VTI1A: variants seen among roughly 807,000 people sequenced by gnomAD.
VTI1A encodes the protein vesicle transport through interaction with t-SNAREs homolog 1A.
Under a neutral mutation model 34.9 loss-of-function variants are expected in VTI1A, and 22 were observed. That is an observed-to-expected ratio of 0.63 (90% confidence interval 0.45 to 0.90). The LOEUF (loss-of-function observed/expected upper bound fraction) is 0.90, where lower values mean the gene tolerates loss of function less well. Ranked by LOEUF, VTI1A falls within the 40% of genes least tolerant of loss-of-function variation. The pLI is 0.00. For synonymous variants in VTI1A, 87 were observed against 97.3 expected, an observed-to-expected ratio of 0.89 and a Z score of 0.62; for missense variants, 268 against 275.6, an observed-to-expected ratio of 0.97 and a Z score of 0.20.
chr10:112,565,181 C>T (rs1851869371), intron 5 of VTI1A, among the ~76,000 whole-genome samples: 1 of 151,958 alleles, frequency 6.6e-6, no homozygotes, highest in Non-Finnish European at 1.5e-5. Flanking sequence ...GTTTAGTTGG[C>T]CTAATACAGT....
chr10:112,714,298 G>A (rs1319407095), intron 7 of VTI1A, among the ~76,000 whole-genome samples: 1 of 152,112 alleles, frequency 6.6e-6, no homozygotes, highest in Non-Finnish European at 1.5e-5. Context: ...TCTCAGATAA[G>A]CCCCTCATCA....
chr10:112,679,098 A>G (rs571714218), intron 7 of VTI1A, among the ~76,000 whole-genome samples: 2 of 152,328 alleles, frequency 1.3e-5, no homozygotes, highest in South Asian at 4.1e-4. Flanking sequence ...TTAGGGCAGG[A>G]AATGGCTCCT....
In VTI1A at chr10:112,752,474, A is replaced by G. The variant is rs60802385; in HGVS notation, c.561-62816A>G. ...ATAGCTTGGAGATTTCACCCACTGCATTTCTGTTGCTCAAACTTTTTGACC... is the reference window on the plus strand; with the variant it reads ...ATAGCTTGGAGATTTCACCCACTGCGTTTCTGTTGCTCAAACTTTTTGACC... On this transcript the variant is annotated intron_variant, in intron 7 of 7. Coordinates refer to ENST00000393077, the MANE Select transcript of VTI1A (RefSeq NM_145206.4). 8.3e-3 allele frequency: 8,131 copies of G among 985,392 alleles called. 488 individuals are homozygous for G. In the African/African-American group the frequency reaches 0.13, roughly 15 times the overall value. The allele number at this position is 985,392 out of a possible 1,614,324, so 61.0% of individuals were successfully genotyped here.
chr10:112,511,303 G>A (rs1303595301), intron 3 of VTI1A, among the ~76,000 whole-genome samples: 1 of 151,384 alleles, frequency 6.6e-6, no homozygotes, highest in Non-Finnish European at 1.5e-5. Context: ...GAGTGCAGTG[G>A]CATGATCTCG....
At chr10:112,697,701 C>A (rs1049976523) in intron 7 of VTI1A, among the ~76,000 whole-genome samples, 1 of 151,996 alleles carries the variant, frequency 6.6e-6, no homozygotes, top group Non-Finnish European at 1.5e-5. Flanking sequence ...CAGCCTTGTT[C>A]TTGGTATTTT....
At chr10:112,659,347 CATTTT>C (rs1847359531) in intron 5 of VTI1A, among the ~76,000 whole-genome samples, 1 of 152,168 alleles carries the variant, frequency 6.6e-6, no homozygotes, top group African/African-American at 2.4e-5. Context: ...GCTCAAGTCT[CATTTT>C]ATAGGATAGA....
At chr10:112,551,053 C>A (rs1041924324) in intron 5 of VTI1A, among the ~76,000 whole-genome samples, 1 of 152,002 alleles carries the variant, frequency 6.6e-6, no homozygotes, top group African/African-American at 2.4e-5. Flanking sequence ...ACCATCCTGG[C>A]GAACACTGTG....
At chr10:112,667,216 T>C (rs553363303) in intron 5 of VTI1A, among the ~76,000 whole-genome samples, 1 of 152,180 alleles carries the variant, frequency 6.6e-6, no homozygotes, top group African/African-American at 2.4e-5. Context: ...CAGAGATGAT[T>C]GTTGTTATAG....
intron 5 of VTI1A, among the ~76,000 whole-genome samples, chr10:112,597,907 C>T (rs1396249250): frequency 1.3e-5 from 2 of 151,006 alleles, no homozygotes; most frequent in African/African-American, 2.4e-5. Flanking sequence ...CCGCGTTAGC[C>T]AGGATGGTCT....
At chr10:112,662,641 A>G (rs1025952798) in intron 5 of VTI1A, among the ~76,000 whole-genome samples, 2 of 152,296 alleles carry the variant, frequency 1.3e-5, no homozygotes, top group Admixed American at 6.5e-5. Context: ...ATCTATTGGG[A>G]TACTCATATA....
chr10:112,559,490 C>T (rs145629246), intron 5 of VTI1A, among the ~76,000 whole-genome samples: 170 of 152,136 alleles, frequency 1.1e-3, no homozygotes, highest in African/African-American at 4.0e-3. Context: ...AAAACCTGGC[C>T]TTTTGTTCTT....
chr10:112,464,698 A>T (rs760560565), intron 3 of VTI1A, 41 bp downstream of exon 3: 8 of 1,560,954 alleles, frequency 5.1e-6, no homozygotes, highest in African/African-American at 4.1e-5. Flanking sequence ...ACTTTTTTTT[A>T]AAAATGTTTC....
intron 7 of VTI1A, among the ~76,000 whole-genome samples, chr10:112,812,181 C>T (rs966868104): frequency 6.6e-6 from 1 of 152,194 alleles, no homozygotes; most frequent in African/African-American, 2.4e-5. Context: ...GGCAATTTAG[C>T]CTGGCTGTTT....
intron 7 of VTI1A, among the ~76,000 whole-genome samples, chr10:112,727,587 G>A (rs1850083405): frequency 6.6e-6 from 1 of 152,268 alleles, no homozygotes; most frequent in South Asian, 2.1e-4. Context: ...CACTGTGGAA[G>A]TTGTGAGGCT....
chr10:112,718,252 T>A (rs1849677528), intron 7 of VTI1A, among the ~76,000 whole-genome samples: 1 of 152,170 alleles, frequency 6.6e-6, no homozygotes, highest in African/African-American at 2.4e-5. Context: ...CTCTATTTGC[T>A]CTGCACCTGG....
chr10:112,732,611 CT>C (rs1184329510), intron 7 of VTI1A, among the ~76,000 whole-genome samples: 1 of 152,152 alleles, frequency 6.6e-6, no homozygotes, highest in Non-Finnish European at 1.5e-5. Flanking sequence ...ATATTTTCCA[CT>C]CCTTGTTTCA....
chr10:112,794,698 A>G (rs976829619), intron 7 of VTI1A, among the ~76,000 whole-genome samples: 3 of 152,218 alleles, frequency 2.0e-5, no homozygotes, highest in Non-Finnish European at 4.4e-5. Context: ...AATTCAGATC[A>G]TACTATACGT....
At chr10:112,595,345 A>C (rs1386818412) in intron 5 of VTI1A, among the ~76,000 whole-genome samples, 2 of 150,814 alleles carry the variant, frequency 1.3e-5, no homozygotes, top group African/African-American at 4.9e-5. Flanking sequence ...TCTGCACAGC[A>C]AAAGAAACTA....
At chr10:112,618,520 T>TAGAGAGAGAGAG (rs1249234028) in intron 5 of VTI1A, among the ~76,000 whole-genome samples, 923 of 45,960 alleles carry the variant, frequency 0.02, 21 homozygotes, top group Non-Finnish European at 0.026. Context: ...TATATATATA[T>TAGAGAGAGAGAG]ATATAGAGAG....
Sources: gnomAD v4.1 joint callset for allele counts (sites outside exome capture counted in the v4.1 genomes callset) on GRCh38, gnomAD v4.1.1 for gene constraint, MANE v1.5 for transcripts, NCBI Gene and HGNC (gene_info 2026-07-23, HGNC 2026-07-21) for gene names.